MGAT4A: variants seen among roughly 807,000 people sequenced by gnomAD.
MGAT4A encodes alpha-1,3-mannosyl-glycoprotein 4-beta-N-acetylglucosaminyltransferase A.
MGAT4A carries 33 observed loss-of-function variants against 74.1 expected under a neutral mutation model. The ratio of observed to expected loss-of-function variants is 0.45; its 90% CI spans 0.34 to 0.60. The LOEUF is 0.60. Ranked by LOEUF, MGAT4A falls within the 20% of genes least tolerant of loss-of-function variation. The probability of loss-of-function intolerance (pLI) is 0.02; values close to 1 mark genes in which losing one functional copy is unlikely to be tolerated. For synonymous variants in MGAT4A, 198 were observed against 210.4 expected (o/e 0.94, Z 0.51); for missense variants, 479 against 628.3 (o/e 0.76, Z 2.54).
chr2:98,692,219 A>G (rs1175222865), intron 2 of MGAT4A, among the ~76,000 whole-genome samples: 1 of 152,012 alleles, frequency 6.6e-6, no homozygotes, highest in Non-Finnish European at 1.5e-5. Context: ...CTCAGCCTCC[A>G]GAGTAGCTGA....
chr2:98,720,063 T>G (rs1245811100), intron 2 of MGAT4A, among the ~76,000 whole-genome samples: 2 of 152,132 alleles, frequency 1.3e-5, no homozygotes, highest in Non-Finnish European at 2.9e-5. Context: ...AAATATAAAC[T>G]ATTAATAAGA....
intron 2 of MGAT4A, among the ~76,000 whole-genome samples, chr2:98,719,349 T>C (rs1365983482): frequency 2.0e-5 from 3 of 152,204 alleles, no homozygotes; most frequent in African/African-American, 4.8e-5. Context: ...GTAATTAGTG[T>C]AGGAGTCTTA....
Position 98,624,075 on chromosome 2 carries a change from C to T in MGAT4A, c.*1491G>A, listed in dbSNP as rs578205065. The T allele has an allele frequency of 1.9e-3, 1,744 of 940,360 alleles. 2 individuals are homozygous for T. Among genetic ancestry groups the T allele is most frequent in the Non-Finnish European group, 2.1e-3 (1,689 of 789,276 alleles). The allele number at this position is 940,360 out of a possible 1,614,324, so 58.3% of individuals were successfully genotyped here. ...TCGCCCAGGCTGGAGTGCAGTGGTG[C>T]GATCTCAGCTCACTGCCAGCTCTGC... is the stretch of plus-strand genomic sequence containing the variant. On this transcript the variant is annotated 3_prime_UTR_variant, in exon 16 of 16. Transcript: ENST00000393487.
At chr2:98,675,565 G>A (rs1432353353) in intron 3 of MGAT4A, among the ~76,000 whole-genome samples, 1 of 78,424 alleles carries the variant, frequency 1.3e-5, no homozygotes, top group East Asian at 3.1e-4. Flanking sequence ...TTTTTTTTTT[G>A]TGACAGGGTC....
intron 2 of MGAT4A, among the ~76,000 whole-genome samples, chr2:98,697,021 T>C (rs926788296): frequency 6.6e-6 from 1 of 152,230 alleles, no homozygotes; most frequent in East Asian, 1.9e-4. Flanking sequence ...TATAGATCAA[T>C]TTCATGGGCC....
At chr2:98,648,481 G>C (rs1701527389) in intron 8 of MGAT4A, among the ~76,000 whole-genome samples, 1 of 151,948 alleles carries the variant, frequency 6.6e-6, no homozygotes, top group South Asian at 2.1e-4. Flanking sequence ...GCCTGGGCTA[G>C]AGGGAGACTA....
chr2:98,630,275 AAC>A (rs1267272022), intron 14 of MGAT4A, among the ~76,000 whole-genome samples: 1 of 152,324 alleles, frequency 6.6e-6, no homozygotes, highest in South Asian at 2.1e-4. Flanking sequence ...ATGAGTCGTA[AAC>A]ACACACACTC....
intron 14 of MGAT4A, among the ~76,000 whole-genome samples, chr2:98,633,164 G>C (rs1017807491): frequency 6.6e-6 from 1 of 152,230 alleles, no homozygotes; most frequent in Non-Finnish European, 1.5e-5. Context: ...GCCTAGGGCA[G>C]AGTTCTGCCC....
rs1210191599 is a variant in MGAT4A, at chr2:98,707,900, G to A, written c.94+18339C>T. Among the ~76,000 whole-genome samples, 13 of 152,256 alleles carry A rather than the reference G, an allele frequency of 8.5e-5. No homozygotes were observed. In the South Asian group the frequency reaches 1.4e-3, roughly 17 times the overall value. ...ACTTAATCCAAACAGTGAGACATCT[G>A]TTTGAATTCCACCATTCCACAACAT... On this transcript the variant is annotated intron_variant, in intron 2 of 15. Transcript: ENST00000393487.
chr2:98,681,654 A>G (rs1441584661), intron 2 of MGAT4A, among the ~76,000 whole-genome samples: 3 of 152,152 alleles, frequency 2.0e-5, no homozygotes, highest in Admixed American at 6.5e-5. Flanking sequence ...TGCCACTAAA[A>G]TAAAATAGAA....
intron 5 of MGAT4A, among the ~76,000 whole-genome samples, chr2:98,659,375 T>A (rs1318524583): frequency 5.9e-5 from 9 of 151,916 alleles, no homozygotes; most frequent in Non-Finnish European, 1.0e-4. Context: ...TCCTCCTAAC[T>A]CCAGATCCTT....
chr2:98,726,513 T>A lies in MGAT4A; in HGVS notation c.-181A>T, dbSNP rs1702764637. ...CTAGCAGCAATGCTGTTCACAACTG[T>A]ACTCGGGATCGTCTTTGCGGTCTTC... is the stretch of plus-strand genomic sequence containing the variant. On this transcript the variant is annotated 5_prime_UTR_variant, in exon 2 of 16. Transcript: ENST00000393487. 4.0e-6 allele frequency: 2 copies of A among 498,400 alleles called. No individual in the cohort carries two copies. Among genetic ancestry groups the A allele is most frequent in the African/African-American group, 1.9e-5 (1 of 52,234 alleles). The allele number at this position is 498,400 out of a possible 1,614,324, so 30.9% of individuals were successfully genotyped here.
intron 14 of MGAT4A, among the ~76,000 whole-genome samples, chr2:98,633,180 C>T (rs1401991131): frequency 6.6e-6 from 1 of 152,244 alleles, no homozygotes; most frequent in African/African-American, 2.4e-5. Context: ...TGCCCAGATT[C>T]ATCAGCTGCT....
At chr2:98,666,683 A>C (rs1701835420) in intron 4 of MGAT4A, among the ~76,000 whole-genome samples, 1 of 151,316 alleles carries the variant, frequency 6.6e-6, no homozygotes, top group African/African-American at 2.4e-5. Flanking sequence ...ACAGAGCAAG[A>C]CCCTGTCTCA....
intron 12 of MGAT4A, among the ~76,000 whole-genome samples, chr2:98,637,252 T>C (rs1357694568): frequency 6.6e-6 from 1 of 151,992 alleles, no homozygotes; most frequent in Non-Finnish European, 1.5e-5. Context: ...GAAGGTCTCA[T>C]CTACAGTGAG....
Position 98,619,394 on chromosome 2 carries a change from G to C in MGAT4A, c.*6172C>G, listed in dbSNP as rs1701011634. 1 of 152,004 alleles carries C rather than the reference G, an allele frequency of 6.6e-6. No homozygotes were observed. The highest frequency in any genetic ancestry group is 2.4e-5 in the African/African-American group (1 of 41,376). 9.4% of individuals were successfully genotyped at this position (152,004 alleles called of 1,614,324 possible). On this transcript the variant is annotated 3_prime_UTR_variant, in exon 16 of 16. Coordinates refer to ENST00000393487, the MANE Select transcript of MGAT4A (RefSeq NM_012214.3). Reference sequence around the variant, plus strand: ...ATACATTTAAGAAAAAAAAAAATCTGGTACAACCTGGCAAGGAGATTCCTC... The same window carrying C: ...ATACATTTAAGAAAAAAAAAAATCTCGTACAACCTGGCAAGGAGATTCCTC...
chr2:98,630,706 A>C (rs1421606021), intron 14 of MGAT4A, among the ~76,000 whole-genome samples: 1 of 152,212 alleles, frequency 6.6e-6, no homozygotes, highest in Non-Finnish European at 1.5e-5. Flanking sequence ...TTGTTCTTAG[A>C]GAACATACCC....
chr2:98,682,819 G>C (rs1702080099), intron 2 of MGAT4A, among the ~76,000 whole-genome samples: 1 of 152,180 alleles, frequency 6.6e-6, no homozygotes, highest in Non-Finnish European at 1.5e-5. Context: ...GGGCGTGATG[G>C]CTCACGCCTG....
At chr2:98,666,884 C>T (rs1247426203) in intron 4 of MGAT4A, among the ~76,000 whole-genome samples, 1 of 152,054 alleles carries the variant, frequency 6.6e-6, no homozygotes, top group Non-Finnish European at 1.5e-5. Context: ...TTTTTGGTTT[C>T]CGTTTTGCTT....
Sources: gnomAD v4.1 joint callset for allele counts (sites outside exome capture counted in the v4.1 genomes callset) on GRCh38, gnomAD v4.1.1 for gene constraint, MANE v1.5 for transcripts, NCBI Gene and HGNC (gene_info 2026-07-23, HGNC 2026-07-21) for gene names.